The following MARCHF3 variants were observed in gnomAD, a reference collection of about 807,000 sequenced individuals.
MARCHF3 encodes E3 ubiquitin-protein ligase MARCHF3.
A neutral mutation model predicts 24.2 loss-of-function variants in MARCHF3; 13 were observed. The ratio of observed to expected loss-of-function variants is 0.54; its 90% CI spans 0.35 to 0.85. MARCHF3 has a LOEUF of 0.85. MARCHF3 is among the 40% of genes least tolerant of loss of function. The probability of loss-of-function intolerance (pLI) is 0.01; values close to 1 mark genes in which losing one functional copy is unlikely to be tolerated. For synonymous variants in MARCHF3, 144 were observed against 137.3 expected (o/e 1.05, Z -0.34); for missense variants, 276 against 325.0 (o/e 0.85, Z 1.16).
chr5:126,935,676 T>C (rs1448592260), intron 1 of MARCHF3, among the ~76,000 whole-genome samples: 1 of 141,820 alleles, frequency 7.1e-6, no homozygotes, highest in Non-Finnish European at 1.5e-5. Flanking sequence ...AATGGCGTGA[T>C]CTTGGCTCAC....
At chr5:126,908,272 C>T (rs907510391) in intron 3 of MARCHF3, among the ~76,000 whole-genome samples, 1 of 152,086 alleles carries the variant, frequency 6.6e-6, no homozygotes, top group Non-Finnish European at 1.5e-5. Flanking sequence ...TTCATTGCAA[C>T]TTTGGTGAAT....
At chr5:126,893,072 T>G (rs1753752872) in intron 3 of MARCHF3, among the ~76,000 whole-genome samples, 1 of 151,976 alleles carries the variant, frequency 6.6e-6, no homozygotes, top group Admixed American at 6.6e-5. Context: ...CTAGTTTATT[T>G]GCGTAGAGGT....
chr5:126,945,331 A>G (rs140150653), intron 1 of MARCHF3, among the ~76,000 whole-genome samples: 276 of 152,344 alleles, frequency 1.8e-3, no homozygotes, highest in Middle Eastern at 0.014. Context: ...GCAAAATACA[A>G]TTTGTCACAG....
chr5:126,912,257 G>A (rs747869741), intron 3 of MARCHF3, among the ~76,000 whole-genome samples: 2 of 152,218 alleles, frequency 1.3e-5, no homozygotes, highest in Non-Finnish European at 2.9e-5. Context: ...GGGATGAACA[G>A]TTATGCAGAA....
intron 1 of MARCHF3, among the ~76,000 whole-genome samples, chr5:126,958,730 C>G (rs1349313235): frequency 2.6e-5 from 4 of 151,908 alleles, no homozygotes; most frequent in Admixed American, 2.0e-4. Context: ...TTGATTGATT[C>G]CTGGCACACA....
At chr5:126,907,597 T>C (rs1242510379) in intron 3 of MARCHF3, among the ~76,000 whole-genome samples, 1 of 150,988 alleles carries the variant, frequency 6.6e-6, no homozygotes, top group Non-Finnish European at 1.5e-5. Context: ...TCTCTTTTGA[T>C]CTTTGTTGGT....
At chr5:126,958,359 C>T (rs983041901) in intron 1 of MARCHF3, among the ~76,000 whole-genome samples, 12 of 152,102 alleles carry the variant, frequency 7.9e-5, no homozygotes, top group Admixed American at 3.9e-4. Flanking sequence ...CTGGCCAAGA[C>T]AAGTGATTAT....
chr5:126,916,548 T>A (rs1754738797), intron 2 of MARCHF3, among the ~76,000 whole-genome samples: 1 of 151,660 alleles, frequency 6.6e-6, no homozygotes, highest in Non-Finnish European at 1.5e-5. Flanking sequence ...TGCCCACGAG[T>A]GGGAAAAGAA....
chr5:127,003,405 T>C (rs888018630), intron 1 of MARCHF3, among the ~76,000 whole-genome samples: 6 of 148,438 alleles, frequency 4.0e-5, no homozygotes, highest in African/African-American at 1.5e-4. Context: ...GAGGCGGAGC[T>C]TGCAGTGAGC....
chr5:126,972,331 T>G (rs766718061), intron 1 of MARCHF3, among the ~76,000 whole-genome samples: 11 of 151,292 alleles, frequency 7.3e-5, no homozygotes, highest in Non-Finnish European at 1.3e-4. Context: ...TTTCCCTAAG[T>G]AAGTTTATGG....
At chr5:126,884,840 C>T (rs1447527129) in intron 3 of MARCHF3, among the ~76,000 whole-genome samples, 2 of 152,186 alleles carry the variant, frequency 1.3e-5, no homozygotes, top group Non-Finnish European at 2.9e-5. Context: ...AGTCCCAAAA[C>T]AATAGTCAGG....
chr5:126,976,731 G>A (rs1373630856), intron 1 of MARCHF3, among the ~76,000 whole-genome samples: 1 of 152,230 alleles, frequency 6.6e-6, no homozygotes, highest in African/African-American at 2.4e-5. Flanking sequence ...GGCATCTGCA[G>A]TTGCACACAT....
rs142912013 is a variant in MARCHF3, at chr5:126,914,940, G to A, written c.383C>T (p.Pro128Leu). The change falls in exon 3 of 5, where the codon CCG becomes CTG. Residue 128 changes from proline (P) to leucine (L), a missense_variant. Coordinates refer to ENST00000308660, the MANE Select transcript of MARCHF3 (RefSeq NM_178450.5). ...FRFAVERKPR[P>L]LVEWLRNPGP... The stretch of plus-strand genomic sequence containing the variant: ...GCCCCACTTACTGACCTCCACTAAC[G>A]GCCTGGGTTTGCGCTCGACTGCAAA... 17 of 1,613,936 alleles carry A rather than the reference G, an allele frequency of 1.1e-5. No homozygotes were observed. The highest frequency in any genetic ancestry group is 2.2e-5 in the East Asian group (1 of 44,892).
chr5:126,984,983 C>T (rs922585480), intron 1 of MARCHF3, among the ~76,000 whole-genome samples: 2 of 151,868 alleles, frequency 1.3e-5, no homozygotes, highest in African/African-American at 4.8e-5. Context: ...CAGAGGCAGC[C>T]CTGGAAAAAA....
At chr5:127,027,604 A>G (rs753198218) in intron 1 of MARCHF3, among the ~76,000 whole-genome samples, 5 of 152,158 alleles carry the variant, frequency 3.3e-5, no homozygotes, top group Non-Finnish European at 5.9e-5. Flanking sequence ...TTGTTTCATC[A>G]GGCAGACTTC....
At chr5:126,925,040 A>G (rs77769720) in intron 1 of MARCHF3, among the ~76,000 whole-genome samples, 35 of 152,346 alleles carry the variant, frequency 2.3e-4, no homozygotes, top group African/African-American at 7.7e-4. Context: ...GGCCAGCCCA[A>G]TGAATTTTAA....
chr5:126,965,721 T>C (rs961519510), intron 1 of MARCHF3, among the ~76,000 whole-genome samples: 1 of 151,992 alleles, frequency 6.6e-6, no homozygotes, highest in South Asian at 2.1e-4. Context: ...AAAGAGAGGA[T>C]TTTCTCTCTA....
rs536368567 is a variant in MARCHF3, at chr5:127,030,507, G to C, written c.-214C>G. ...TGCGGCAAGCCTGGCGGCCGCCGCG[G>C]CCACACAGTCGCCCACAGCGCGCTG... On this transcript the variant is annotated 5_prime_UTR_variant, in exon 1 of 5. Transcript: ENST00000308660. 2.0e-5 allele frequency: 3 copies of C among 152,602 alleles called. No homozygotes were observed. The highest frequency in any genetic ancestry group is 1.9e-4 in the East Asian group (1 of 5,190). 9.5% of individuals were successfully genotyped at this position (152,602 alleles called of 1,614,324 possible).
intron 3 of MARCHF3, among the ~76,000 whole-genome samples, chr5:126,881,614 C>T (rs954000485): frequency 4.6e-5 from 7 of 152,016 alleles, no homozygotes; most frequent in African/African-American, 1.4e-4. Context: ...TATTTACTGG[C>T]ATGACATACT....
Sources: gnomAD v4.1 joint callset for allele counts (sites outside exome capture counted in the v4.1 genomes callset) on GRCh38, gnomAD v4.1.1 for gene constraint, MANE v1.5 for transcripts, NCBI Gene and HGNC (gene_info 2026-07-23, HGNC 2026-07-21) for gene names.